FSIP1: variants seen among roughly 807,000 people sequenced by gnomAD.
FSIP1 encodes the protein fibrous sheath-interacting protein 1.
A neutral mutation model predicts 60.9 loss-of-function variants in FSIP1; 65 were observed. The observed-to-expected ratio is 1.07, with a 90% confidence interval of 0.87 to 1.31. The LOEUF (loss-of-function observed/expected upper bound fraction) is 1.31, where lower values mean the gene tolerates loss of function less well. Among genes scored for constraint, FSIP1 ranks in the 40% most tolerant of loss-of-function variants. FSIP1 has a pLI of 0.00. For synonymous variants in FSIP1, 209 were observed against 221.2 expected, an observed-to-expected ratio of 0.94 and a Z score of 0.49; for missense variants, 675 against 665.5, an observed-to-expected ratio of 1.01 and a Z score of -0.16.
chr15:39,687,794 TCTAA>T (rs1350635347), intron 10 of FSIP1, among the ~76,000 whole-genome samples: 1 of 152,230 alleles, frequency 6.6e-6, no homozygotes, highest in Non-Finnish European at 1.5e-5. Context: ...AAGCCTCTTC[TCTAA>T]CTGTGGAAAG....
At chr15:39,636,768 T>C (rs1892157215) in intron 10 of FSIP1, among the ~76,000 whole-genome samples, 1 of 152,274 alleles carries the variant, frequency 6.6e-6, no homozygotes, top group Non-Finnish European at 1.5e-5. Flanking sequence ...ATTTGGCTTT[T>C]GACTTTTTAA....
At chr15:39,738,063 G>A (rs368828892) in intron 8 of FSIP1, 28 bp downstream of exon 8, 53 of 1,195,982 alleles carry the variant, frequency 4.4e-5, no homozygotes, top group South Asian at 1.3e-4. Context: ...ATTAAGAAGT[G>A]TAGTGTTCCC....
chr15:39,721,333 A>G (rs1466594174), intron 9 of FSIP1, among the ~76,000 whole-genome samples: 1 of 152,254 alleles, frequency 6.6e-6, no homozygotes, highest in Non-Finnish European at 1.5e-5. Context: ...TTCTTGACCA[A>G]CAAAGATAAA....
chr15:39,628,165 G>C (rs1026747762), intron 10 of FSIP1, among the ~76,000 whole-genome samples: 7 of 152,208 alleles, frequency 4.6e-5, no homozygotes, highest in Admixed American at 2.0e-4. Context: ...GAGAGCAGCA[G>C]AGTACTGTCC....
intron 11 of FSIP1, among the ~76,000 whole-genome samples, chr15:39,616,113 C>T (rs185556647): frequency 1.2e-4 from 19 of 152,124 alleles, no homozygotes; most frequent in East Asian, 7.7e-4. Context: ...TTACAGCTTG[C>T]GAAATTTCAT....
chr15:39,782,109 G>T (rs2140747909), intron 1 of FSIP1, among the ~76,000 whole-genome samples: 1 of 152,306 alleles, frequency 6.6e-6, no homozygotes, highest in African/African-American at 2.4e-5. Context: ...ACTCCAAAAA[G>T]GCTGCACCAA....
At chr15:39,633,396 CT>C (rs1891992796) in intron 10 of FSIP1, among the ~76,000 whole-genome samples, 1 of 152,062 alleles carries the variant, frequency 6.6e-6, no homozygotes, top group Non-Finnish European at 1.5e-5. Flanking sequence ...CCTGGCTATA[CT>C]TTTTAAATGT....
intron 8 of FSIP1, 146 bp from the exon 9 acceptor site, chr15:39,726,893 A>T (rs2140596339): frequency 1.7e-6 from 1 of 604,634 alleles, no homozygotes; most frequent in East Asian, 2.8e-5. Flanking sequence ...AACAGAATTA[A>T]CATTGGGTTA....
At chr15:39,639,215 C>A (rs982572905) in intron 10 of FSIP1, among the ~76,000 whole-genome samples, 2 of 152,122 alleles carry the variant, frequency 1.3e-5, no homozygotes, top group African/African-American at 2.4e-5. Flanking sequence ...TGGTCATTGC[C>A]AAAGCTAGAA....
At chr15:39,655,632 T>C (rs1050699210) in intron 10 of FSIP1, among the ~76,000 whole-genome samples, 2 of 152,222 alleles carry the variant, frequency 1.3e-5, no homozygotes, top group Non-Finnish European at 2.9e-5. Flanking sequence ...ATAAGTTTCT[T>C]AAACTCTCAA....
At chr15:39,777,728 C>T (rs145497606) in intron 1 of FSIP1, among the ~76,000 whole-genome samples, 129 of 152,326 alleles carry the variant, frequency 8.5e-4, no homozygotes, top group African/African-American at 3.0e-3. Flanking sequence ...CTCTCATACT[C>T]GGATTTACAT....
At position 39,780,895 on chromosome 15, in the gene FSIP1, T is replaced by C. The variant is rs181164276; in HGVS notation, c.-8+1733A>G. On this transcript the variant is annotated intron_variant, in intron 1 of 11. Transcript: ENST00000350221. ...GAGCCACCGTGCCTGGCCAAAACTA[T>C]AAAATTTCTAAAAAATACATGTGAC... Among the ~76,000 whole-genome samples the C allele has an allele frequency of 1.5e-3, 227 of 152,264 alleles. No individual in the cohort carries two copies. The Middle Eastern group carries it at 0.027, about 18-fold the overall frequency.
chr15:39,630,204 G>A (rs75588736), intron 10 of FSIP1, among the ~76,000 whole-genome samples: 2,855 of 152,272 alleles, frequency 0.019, 89 homozygotes, highest in African/African-American at 0.065. Flanking sequence ...CAATCTGAAC[G>A]TGAAATCATG....
Position 39,600,811 on chromosome 15 carries a change from T to C in FSIP1, c.*69A>G. The C allele has an allele frequency of 8.1e-7, 1 of 1,239,746 alleles. No homozygotes were observed. Among genetic ancestry groups the C allele is most frequent in the Admixed American group, 2.0e-5 (1 of 49,718 alleles). 76.8% of individuals were successfully genotyped at this position (1,239,746 alleles called of 1,614,324 possible). On this transcript the variant is annotated 3_prime_UTR_variant, in exon 12 of 12. Coordinates refer to ENST00000350221, the MANE Select transcript of FSIP1 (RefSeq NM_152597.5). ...CTGCAGTGCATTCATTGAATTCAAA[T>C]AATTCAATAAGAAATTTAATTTAAC...
At chr15:39,714,898 G>C (rs1895675131) in intron 9 of FSIP1, among the ~76,000 whole-genome samples, 1 of 151,408 alleles carries the variant, frequency 6.6e-6, no homozygotes, top group African/African-American at 2.4e-5. Context: ...ACTTGAACCT[G>C]GGAGGTCGAG....
At chr15:39,720,076 C>A (rs1179891459) in intron 9 of FSIP1, among the ~76,000 whole-genome samples, 1 of 152,192 alleles carries the variant, frequency 6.6e-6, no homozygotes, top group East Asian at 1.9e-4. Context: ...CTGCCCTCAA[C>A]CAACACACAC....
chr15:39,758,626 T>C (rs1025009136), intron 5 of FSIP1, among the ~76,000 whole-genome samples: 7 of 152,164 alleles, frequency 4.6e-5, no homozygotes, highest in African/African-American at 1.7e-4. Flanking sequence ...GTTCATATAC[T>C]GGTCTTTAGA....
chr15:39,687,137 C>CTTTTTTT (rs386382788), intron 10 of FSIP1, among the ~76,000 whole-genome samples: 9 of 115,450 alleles, frequency 7.8e-5, no homozygotes, highest in Admixed American at 2.0e-4. Flanking sequence ...TTTTCTTTTC[C>CTTTTTTT]TTTTTTTTTT....
At chr15:39,762,279 C>A (rs1191526524) in intron 5 of FSIP1, among the ~76,000 whole-genome samples, 1 of 152,180 alleles carries the variant, frequency 6.6e-6, no homozygotes, top group Non-Finnish European at 1.5e-5. Flanking sequence ...GCATTCCTTC[C>A]GAATGATTCC....
Sources: allele counts gnomAD v4.1 joint callset (sites outside exome capture counted in the v4.1 genomes callset), GRCh38; gene constraint gnomAD v4.1.1; transcripts MANE v1.5; gene names NCBI Gene and HGNC (gene_info 2026-07-23, HGNC 2026-07-21).